VPS13B: variants seen among roughly 807,000 people sequenced by gnomAD.
VPS13B encodes the protein vacuolar protein sorting 13 homolog B.
Under a neutral mutation model 426.4 loss-of-function variants are expected in VPS13B, and 285 were observed. The observed-to-expected ratio is 0.67, with a 90% confidence interval of 0.61 to 0.74. The LOEUF (loss-of-function observed/expected upper bound fraction) is 0.74. Among genes scored for constraint, VPS13B ranks in the 30% least tolerant of loss-of-function variants. VPS13B has a pLI of 0.00. For synonymous variants in VPS13B, 1,676 were observed against 1,676.4 expected (o/e 1.00, Z 0.01); for missense variants, 4,537 against 4,782.6 (o/e 0.95, Z 1.51).
Position 99,859,410 on chromosome 8 carries a change from C to T in VPS13B, c.10974C>T (p.Thr3658=). ...DFFRLPYEGL[T]RGPGAFVSGV... is the part of the protein sequence containing the mutation. ...TCAGGCTTCCGTATGAGGGGCTGAC[C>T]CGGGGCCCTGGAGCCTTCGTGAGTG... is the stretch of plus-strand genomic sequence containing the variant. Residue 3658 remains threonine, a synonymous_variant, in exon 57 of 62, where the codon ACC becomes ACT. Transcript: ENST00000357162. 4 of 1,614,160 alleles carry T rather than the reference C, an allele frequency of 2.5e-6. No individual in the cohort carries two copies. The highest frequency in any genetic ancestry group is 3.4e-6 in the Non-Finnish European group (4 of 1,180,044).
At chr8:99,281,557 G>A (rs767328532) in intron 19 of VPS13B, among the ~76,000 whole-genome samples, 2 of 152,184 alleles carry the variant, frequency 1.3e-5, no homozygotes, top group African/African-American at 2.4e-5. Context: ...TGTACAGGCA[G>A]CCATCTGAAC....
At chr8:99,843,366 A>T (rs1376154778) in intron 54 of VPS13B, among the ~76,000 whole-genome samples, 1 of 152,160 alleles carries the variant, frequency 6.6e-6, no homozygotes, top group African/African-American at 2.4e-5. Context: ...CTGAAAAAAA[A>T]ATCCCCTTGG....
At chr8:99,698,656 A>C (rs913418393) in intron 35 of VPS13B, among the ~76,000 whole-genome samples, 1 of 152,228 alleles carries the variant, frequency 6.6e-6, no homozygotes, top group Non-Finnish European at 1.5e-5. Flanking sequence ...TGTTAGGGTC[A>C]GTTAAGCTCA....
chr8:99,544,618 T>G (rs995399291), intron 30 of VPS13B, among the ~76,000 whole-genome samples: 1 of 152,164 alleles, frequency 6.6e-6, no homozygotes, highest in Non-Finnish European at 1.5e-5. Flanking sequence ...TACCTACCGC[T>G]TTTTGCTTAT....
chr8:99,641,334 T>C (rs921573813), intron 33 of VPS13B, among the ~76,000 whole-genome samples: 1 of 152,188 alleles, frequency 6.6e-6, no homozygotes, highest in African/African-American at 2.4e-5. Flanking sequence ...TTCCCTTTCT[T>C]ACTGTCCAAA....
intron 23 of VPS13B, among the ~76,000 whole-genome samples, chr8:99,462,400 T>A (rs1818890368): frequency 6.6e-6 from 1 of 152,144 alleles, no homozygotes; most frequent in South Asian, 2.1e-4. Context: ...CCTTTCTAAC[T>A]TCTGGATAAC....
rs891010173 is a variant in VPS13B, at chr8:99,876,401, A to G, written c.*735A>G. 6.6e-6 allele frequency: 1 copy of G among 152,308 alleles called. No homozygotes were observed. Among genetic ancestry groups the G allele is most frequent in the African/African-American group, 2.4e-5 (1 of 41,460 alleles). The allele number at this position is 152,308 out of a possible 1,614,324, so 9.4% of individuals were successfully genotyped here. A position where few individuals can be genotyped will look rare whatever the true frequency, so the allele number is the denominator to read the frequency against. Reference sequence around the variant, plus strand: ...TGATTACTGTCCAGGTACATTTTAGAAAAAGTGTTCTTCTTCCAGTTTGTT... The same window carrying G: ...TGATTACTGTCCAGGTACATTTTAGGAAAAGTGTTCTTCTTCCAGTTTGTT... On this transcript the variant is annotated 3_prime_UTR_variant, in exon 62 of 62. Transcript: ENST00000357162.
At chr8:99,193,585 A>G (rs1813723552) in intron 17 of VPS13B, among the ~76,000 whole-genome samples, 1 of 152,132 alleles carries the variant, frequency 6.6e-6, no homozygotes, top group Admixed American at 6.5e-5. Flanking sequence ...GTAAACAAAA[A>G]ATTATAGAAG....
intron 16 of VPS13B, among the ~76,000 whole-genome samples, chr8:99,185,118 A>G (rs147811485): frequency 5.7e-4 from 87 of 152,364 alleles, no homozygotes; most frequent in Non-Finnish European, 3.5e-4. Context: ...AAGGATTTGT[A>G]TTCATGTAAA....
At chr8:99,817,467 G>T in intron 44 of VPS13B, 73 bp from the exon 45 acceptor site, 1 of 1,566,328 alleles carries the variant, frequency 6.4e-7, no homozygotes. Flanking sequence ...AGTTTACTCT[G>T]TTTGAATGAT....
intron 17 of VPS13B, among the ~76,000 whole-genome samples, chr8:99,213,395 C>G (rs997456216): frequency 8.6e-5 from 13 of 151,776 alleles, no homozygotes; most frequent in Middle Eastern, 3.4e-3. Flanking sequence ...ATAGATAGTC[C>G]TCTGACAAAA....
In VPS13B at chr8:99,699,635, C is replaced by T. The variant is rs750040634; in HGVS notation, c.6157C>T (p.His2053Tyr). The change falls in exon 36 of 62, where the codon CAT becomes TAT. Residue 2053 changes from histidine to tyrosine, a missense_variant. This residue lies in a region of VPS13B where 4,311 missense variants were observed against 4,474.3 expected (regional missense o/e 0.96). Coordinates refer to ENST00000357162, the MANE Select transcript of VPS13B (RefSeq NM_152564.5). ...GATAAAAAATGCACACAGTTTGGCA[C>T]ATAGTGAAGAGACTTCAGCCATGTC... ...KKIKNAHSLAHSEETSAMSNT... is the reference protein window; with the variant it reads ...KKIKNAHSLAYSEETSAMSNT... 7.4e-6 allele frequency: 12 copies of T among 1,614,092 alleles called. No homozygotes were observed. In the South Asian group the frequency reaches 1.2e-4, roughly 16 times the overall value.
chr8:99,330,978 C>T (rs966464873), intron 19 of VPS13B, among the ~76,000 whole-genome samples: 1 of 151,732 alleles, frequency 6.6e-6, no homozygotes, highest in Non-Finnish European at 1.5e-5. Flanking sequence ...GTAAGAATTC[C>T]TCCTTCACCT....
intron 19 of VPS13B, among the ~76,000 whole-genome samples, chr8:99,283,080 G>A (rs1819252760): frequency 6.6e-6 from 1 of 152,134 alleles, no homozygotes; most frequent in Admixed American, 6.6e-5. Context: ...TTGTTTAGGA[G>A]TTTTAAAAAT....
chr8:99,057,307 T>G (rs572434224), intron 3 of VPS13B, among the ~76,000 whole-genome samples: 28 of 152,290 alleles, frequency 1.8e-4, no homozygotes, highest in African/African-American at 5.8e-4. Flanking sequence ...CAGAGCTCAT[T>G]AGTAACATCA....
intron 30 of VPS13B, among the ~76,000 whole-genome samples, chr8:99,554,819 C>G (rs560977629): frequency 1.2e-4 from 19 of 152,168 alleles, no homozygotes; most frequent in Admixed American, 7.2e-4. Flanking sequence ...CTTCATACCC[C>G]CACTGTCATT....
intron 39 of VPS13B, among the ~76,000 whole-genome samples, chr8:99,733,815 G>A (rs1249220652): frequency 1.3e-5 from 2 of 152,146 alleles, no homozygotes; most frequent in African/African-American, 4.8e-5. Flanking sequence ...CAAAGTTAAA[G>A]GTCTTGGTTC....
intron 3 of VPS13B, among the ~76,000 whole-genome samples, chr8:99,052,016 CT>C (rs1279371349): frequency 1.3e-5 from 2 of 151,804 alleles, no homozygotes; most frequent in Non-Finnish European, 2.9e-5. Flanking sequence ...ATTGAATACC[CT>C]TTATTTCCTT....
intron 20 of VPS13B, 100 bp downstream of exon 20, chr8:99,384,417 T>G: frequency 1.1e-5 from 11 of 1,000,478 alleles, no homozygotes; most frequent in African/African-American, 1.6e-5. Context: ...TTAACAAATG[T>G]ACTAGATTTC....
Sources: gnomAD v4.1 joint callset for allele counts (sites outside exome capture counted in the v4.1 genomes callset) on GRCh38, gnomAD v4.1.1 for gene constraint, gnomAD v4.1.1 regional missense constraint, MANE v1.5 for transcripts, NCBI Gene and HGNC (gene_info 2026-07-23, HGNC 2026-07-21) for gene names.